EVPL: variants seen among roughly 807,000 people sequenced by gnomAD.
EVPL encodes the protein envoplakin.
A neutral mutation model predicts 129.7 loss-of-function variants in EVPL; 94 were observed. The ratio of observed to expected loss-of-function variants is 0.72; its 90% CI spans 0.61 to 0.86. EVPL has a LOEUF of 0.86. EVPL is among the 40% of genes least tolerant of loss of function. EVPL has a pLI of 0.00. For synonymous variants in EVPL, 1,172 were observed against 1,191.1 expected, an observed-to-expected ratio of 0.98 and a Z score of 0.33; for missense variants, 2,625 against 2,721.1, an observed-to-expected ratio of 0.96 and a Z score of 0.79.
At chr17:76,012,675 C>T (rs1416413178) in intron 18 of EVPL, among the ~76,000 whole-genome samples, 7 of 151,916 alleles carry the variant, frequency 4.6e-5, no homozygotes, top group African/African-American at 1.7e-4. Flanking sequence ...GGCAGGCATG[C>T]AGGGCCCACC....
At position 76,008,088 on chromosome 17, in the gene EVPL, C is replaced by T. The variant is rs1395463656; in HGVS notation, c.5117G>A (p.Gly1706Asp). ...DMSPYEAYKR[G>D]IIDRGQYLQL... ...CAAGTACTGGCCCCTGTCGATGATG[C>T]CCCTCTTGTAGGCCTCGTATGGGGA... is the stretch of plus-strand genomic sequence containing the variant. The change falls in exon 22 of 22, where the codon GGC (glycine) becomes GAC (aspartate). Residue 1706 changes from glycine to aspartate, a missense_variant. By Grantham distance (94) the Gly-to-Asp change is moderately conservative. Coordinates refer to ENST00000301607, the MANE Select transcript of EVPL (RefSeq NM_001988.4). This position sits in a 1 kb window ranked among gnomAD's most constrained non-coding sequence, Gnocchi z 7.4. 6.2e-7 allele frequency: 1 copy of T among 1,614,132 alleles called. No individual in the cohort carries two copies.
chr17:76,007,474 T>C lies in EVPL; in HGVS notation c.5731A>G (p.Thr1911Ala), dbSNP rs765979277. ...TCGCCCACCGAGAGCCTCTTCTTGG[T>C]GACGGGGTCCTCGATGCCGGTGAAG... is the stretch of plus-strand genomic sequence containing the variant. ...KAFTGIEDPV[T>A]KKRLSVGEAV... The change falls in exon 22 of 22, where the codon ACC becomes GCC. Residue 1911 changes from threonine to alanine, a missense_variant. Around this residue, in one of 4 missense-constraint regions of EVPL, gnomAD observed 1,453 missense variants for 1,511.8 expected, o/e 0.96. Transcript: ENST00000301607. This position sits in a 1 kb window ranked among gnomAD's most constrained non-coding sequence, Gnocchi z 8.8. 1.2e-6 allele frequency: 2 copies of C among 1,609,370 alleles called. No homozygotes were observed. The highest frequency in any genetic ancestry group is 2.7e-5 in the African/African-American group (2 of 74,736).
chr17:76,007,072 A>G lies in EVPL; in HGVS notation c.*31T>C. ...GTACGTATCCTACCTGGCCCAACAC[A>G]CGCACTTCCCCACTGGCTCCTTGGC... On this transcript the variant is annotated 3_prime_UTR_variant, in exon 22 of 22. Transcript: ENST00000301607. The surrounding 1 kb of genome is among the most constrained non-coding windows in gnomAD (Gnocchi z 8.8). 3.5e-6 allele frequency: 5 copies of G among 1,430,806 alleles called. No homozygotes were observed. The highest frequency in any genetic ancestry group is 4.6e-6 in the Non-Finnish European group (5 of 1,092,240). 88.6% of individuals were successfully genotyped at this position (1,430,806 alleles called of 1,614,324 possible).
At position 76,008,452 on chromosome 17, in the gene EVPL, G is replaced by C. The variant is rs997021420; in HGVS notation, c.4753C>G (p.Arg1585Gly). 1.3e-6 allele frequency: 2 copies of C among 1,592,672 alleles called. No homozygotes were observed. Among genetic ancestry groups the C allele is most frequent in the African/African-American group, 1.3e-5 (1 of 74,616 alleles). The change falls in exon 22 of 22, where the codon CGG becomes GGG. Residue 1585 changes from arginine (R) to glycine (G), a missense_variant. By Grantham distance (125) the Arg-to-Gly change is moderately radical. Around this residue, in one of 4 missense-constraint regions of EVPL, gnomAD observed 1,453 missense variants for 1,511.8 expected, o/e 0.96. Coordinates refer to ENST00000301607, the MANE Select transcript of EVPL (RefSeq NM_001988.4). This position sits in a 1 kb window ranked among gnomAD's most constrained non-coding sequence, Gnocchi z 7.4. ...CCACACTCCTGGTCGGCCTGGTCCCGGGCCCTCTGCAGCTCGGACTCCTCC... is the reference window on the plus strand; with the variant it reads ...CCACACTCCTGGTCGGCCTGGTCCCCGGCCCTCTGCAGCTCGGACTCCTCC... ...SREESELQRARDQADQECGRL... is the reference protein window; with the variant it reads ...SREESELQRAGDQADQECGRL...
chr17:76,022,719 T>G lies in EVPL; in HGVS notation c.481-181A>C, dbSNP rs1452342168. 6.6e-6 allele frequency among the ~76,000 whole-genome samples: 1 copy of G among 152,188 alleles called. No individual in the cohort carries two copies. The highest frequency in any genetic ancestry group is 1.5e-5 in the Non-Finnish European group (1 of 68,028). ...GGCGAGGCCATTCTGCAGTGGCCCCTGAGTCCCACTGGTTCCCAGACGCTG... is the reference window on the plus strand; with the variant it reads ...GGCGAGGCCATTCTGCAGTGGCCCCGGAGTCCCACTGGTTCCCAGACGCTG... On this transcript the variant is annotated intron_variant, in intron 4 of 21. Coordinates refer to ENST00000301607, the MANE Select transcript of EVPL (RefSeq NM_001988.4). The surrounding 1 kb of genome is among the most constrained non-coding windows in gnomAD (Gnocchi z 5.6).
chr17:76,018,041 G>T, intron 13 of EVPL, 120 bp downstream of exon 13: 3 of 1,528,594 alleles, frequency 2.0e-6, no homozygotes, highest in Non-Finnish European at 2.6e-6. Context: ...CCCCAGAGAT[G>T]AAATCCCCAG....
Position 76,009,008 on chromosome 17 carries a change from C to A in EVPL, c.4197G>T (p.Val1399=), listed in dbSNP as rs1188786639. 2 of 1,612,784 alleles carry A rather than the reference C, an allele frequency of 1.2e-6. No individual in the cohort carries two copies. The highest frequency in any genetic ancestry group is 2.2e-5 in the South Asian group (2 of 91,060). Residue 1399 remains valine, a synonymous_variant, in exon 22 of 22, where the codon GTG becomes GTT. Coordinates refer to ENST00000301607, the MANE Select transcript of EVPL (RefSeq NM_001988.4). The surrounding 1 kb of genome is among the most constrained non-coding windows in gnomAD (Gnocchi z 5.9). ...SRLSGSLDEE[V]GRRRQLELEV... ...CAAGCTCTAGCTGGCGCCGCCGGCC[C>A]ACCTCCTCATCCAGGCTCCCGCTCA... is the stretch of plus-strand genomic sequence containing the variant.
At chr17:76,019,482 C>G (rs775563986) in intron 10 of EVPL, 46 bp downstream of exon 10, 2 of 1,521,350 alleles carry the variant, frequency 1.3e-6, no homozygotes, top group South Asian at 2.6e-5. Flanking sequence ...TGGACAGGAC[C>G]AATTCCCAGA....
At chr17:76,019,247 G>A (rs1291579688) in intron 10 of EVPL, among the ~76,000 whole-genome samples, 187 bp from the exon 11 acceptor site, 1 of 152,138 alleles carries the variant, frequency 6.6e-6, no homozygotes, top group African/African-American at 2.4e-5. Flanking sequence ...CAGGGAGGGG[G>A]ATGGCACAGC....
At position 76,015,062 on chromosome 17, in the gene EVPL, T is replaced by A. The variant is rs765228067; in HGVS notation, c.2076A>T (p.Leu692=). 1 of 1,584,608 alleles carries A rather than the reference T, an allele frequency of 6.3e-7. No individual in the cohort carries two copies. The highest frequency in any genetic ancestry group is 2.3e-5 in the East Asian group (1 of 44,356). The part of the protein sequence containing the change: ...LLEQQTCVLR[L]HRALKASEHA... ...GCTCCGAGGCCTTCAGCGCGCGGTG[T>A]AGCCGCAGCACGCAGGTCTGCTGTT... The change falls in exon 17 of 22, where the codon CTA becomes CTT. Residue 692 remains leucine (L), a synonymous_variant. Coordinates refer to ENST00000301607, the MANE Select transcript of EVPL (RefSeq NM_001988.4).
chr17:76,022,126 AG>A lies in EVPL; in HGVS notation c.645+62del, dbSNP rs1254140609. 6.3e-7 allele frequency: 1 copy of A among 1,598,916 alleles called. No individual in the cohort carries two copies. The highest frequency in any genetic ancestry group is 2.2e-5 in the East Asian group (1 of 44,658). ...GCGCTCAGGAACACTGGCCCCGGGC[AG>A]GGTCCGGGCGGCCACCCAGGCCCAC... is the stretch of plus-strand genomic sequence containing the variant. On this transcript the variant is annotated intron_variant, in intron 6 of 21. Transcript: ENST00000301607. The surrounding 1 kb of genome is among the most constrained non-coding windows in gnomAD (Gnocchi z 5.6).
At chr17:76,017,999 T>C in intron 13 of EVPL, 88 bp from the exon 14 acceptor site, 1 of 1,578,752 alleles carries the variant, frequency 6.3e-7, no homozygotes, top group Non-Finnish European at 8.6e-7. Context: ...GAGGGTCCTG[T>C]CGGGGTAGGG....
rs776316790 is a variant in EVPL at position 76,011,594 on chromosome 17, A to G, written c.2643T>C (p.Ala881=). ...QQQLLQQLEF[A]RKMLEKKELS... is the part of the protein sequence containing the mutation. The stretch of plus-strand genomic sequence containing the variant: ...TGTGTACCTTCTCCAGCATTTTTCT[A>G]GCAAACTCCAGCTGCTGGAGCAGCT... The change falls in exon 21 of 22, where the codon GCT becomes GCC. Residue 881 remains alanine (A), a synonymous_variant. Coordinates refer to ENST00000301607, the MANE Select transcript of EVPL (RefSeq NM_001988.4). The G allele has an allele frequency of 9.3e-6, 15 of 1,613,996 alleles. 1 individual carries two copies. In the Admixed American group the frequency reaches 2.0e-4, roughly 22 times the overall value.
In EVPL at chr17:76,022,145, A is replaced by C; in HGVS notation, c.645+44T>G. ...CCGGGCAGGGTCCGGGCGGCCACCC[A>C]GGCCCACCCGCAGCCTCCCTGCCCG... On this transcript the variant is annotated intron_variant, in intron 6 of 21. Coordinates refer to ENST00000301607, the MANE Select transcript of EVPL (RefSeq NM_001988.4). This position sits in a 1 kb window ranked among gnomAD's most constrained non-coding sequence, Gnocchi z 5.6. 6.2e-7 allele frequency: 1 copy of C among 1,607,662 alleles called. No individual in the cohort carries two copies. Among genetic ancestry groups the C allele is most frequent in the Non-Finnish European group, 8.5e-7 (1 of 1,177,994 alleles).
chr17:76,009,140 C>G lies in EVPL; in HGVS notation c.4065G>C (p.Gln1355His). Residue 1355 changes from glutamine to histidine, a missense_variant, in exon 22 of 22, where the codon CAG becomes CAC. By Grantham distance (24) the Gln-to-His change is conservative (BLOSUM62 0). Transcript: ENST00000301607. This position sits in a 1 kb window ranked among gnomAD's most constrained non-coding sequence, Gnocchi z 5.9. ...TCCTCTCCAGCAGCAGGCGCTTGCTCTGCAGCTCGTACACCGCGTCCTCCG... is the reference window on the plus strand; with the variant it reads ...TCCTCTCCAGCAGCAGGCGCTTGCTGTGCAGCTCGTACACCGCGTCCTCCG... The part of the protein sequence containing the change: ...RAAEDAVYEL[Q>H]SKRLLLERRK... The G allele has an allele frequency of 1.2e-6, 2 of 1,612,664 alleles. No individual in the cohort carries two copies. The highest frequency in any genetic ancestry group is 1.7e-6 in the Non-Finnish European group (2 of 1,179,790).
chr17:76,011,772 CT>C lies in EVPL; in HGVS notation c.2567del (p.Gln856ArgfsTer62), dbSNP rs766383762. 3.1e-6 allele frequency: 5 copies of C among 1,611,702 alleles called. No individual in the cohort carries two copies. The highest frequency in any genetic ancestry group is 3.3e-4 in the Middle Eastern group (2 of 6,078). On this transcript the variant is annotated frameshift_variant and splice_region_variant, in exon 20 of 22. Transcript: ENST00000301607. LOFTEE classifies it high-confidence loss of function. ...VAPLQESIQA[Q>X]EKNLAKAYTE... ...TGAGCCCCGCAAGGTCCCATCTCAC[CT>C]GGGCTTGGATGCTCTCTTGCAGGGG... is the stretch of plus-strand genomic sequence containing the variant.
At chr17:76,023,704 C>A in intron 2 of EVPL, 50 bp from the exon 3 acceptor site, 1 of 1,486,610 alleles carries the variant, frequency 6.7e-7, no homozygotes, top group South Asian at 1.3e-5. Flanking sequence ...CCCCCACACC[C>A]CTGCTGCCCA....
rs183879843 is a variant in EVPL at position 76,020,518 on chromosome 17, C to A, written c.1012-865G>T. ...GGTGCTTTGACGGAATTTTTGTCAACGTGTGTGATCACAGTCTTGTGGTTC... is the reference window on the plus strand; with the variant it reads ...GGTGCTTTGACGGAATTTTTGTCAAAGTGTGTGATCACAGTCTTGTGGTTC... On this transcript the variant is annotated intron_variant, in intron 9 of 21. Transcript: ENST00000301607. 6.8e-4 allele frequency among the ~76,000 whole-genome samples: 104 copies of A among 151,964 alleles called. 1 individual carries two copies. The highest frequency in any genetic ancestry group is 2.3e-3 in the African/African-American group (94 of 41,366).
intron 21 of EVPL, 102 bp downstream of exon 21, chr17:76,011,474 G>T: frequency 9.6e-7 from 1 of 1,041,288 alleles, no homozygotes; most frequent in Non-Finnish European, 1.5e-6. Flanking sequence ...GGAGAGGAGG[G>T]AAGGAGACTA....
Sources: allele counts gnomAD v4.1 joint callset (sites outside exome capture counted in the v4.1 genomes callset), GRCh38; gene constraint gnomAD v4.1.1; regional missense constraint gnomAD v4.1.1; non-coding constraint Gnocchi (gnomAD v3.1); transcripts MANE v1.5; gene names NCBI Gene and HGNC (gene_info 2026-07-23, HGNC 2026-07-21).